Variants in OCA2 observed in about 807,000 individuals in gnomAD.
The protein encoded by OCA2 is P protein.
Under a neutral mutation model 100.2 loss-of-function variants are expected in OCA2, and 77 were observed. That is an observed-to-expected ratio of 0.77 (90% CI 0.64 to 0.93). OCA2 has a LOEUF of 0.93. Among genes scored for constraint, OCA2 ranks in the 40% least tolerant of loss-of-function variants. The probability of loss-of-function intolerance (pLI) is 0.00; values close to 1 mark genes in which losing one functional copy is unlikely to be tolerated. For synonymous variants in OCA2, 432 were observed against 439.2 expected (o/e 0.98, Z 0.21); for missense variants, 1,062 against 1,089.1 (o/e 0.98, Z 0.35).
intron 3 of OCA2, among the ~76,000 whole-genome samples, chr15:28,030,731 A>G (rs1238231088): frequency 6.6e-6 from 1 of 152,214 alleles, no homozygotes; most frequent in Non-Finnish European, 1.5e-5. Flanking sequence ...CCTCCTGTCA[A>G]TGCAGGTACA....
At chr15:27,883,545 A>T (rs2037107306) in intron 19 of OCA2, among the ~76,000 whole-genome samples, 1 of 151,892 alleles carries the variant, frequency 6.6e-6, no homozygotes, top group South Asian at 2.1e-4. Flanking sequence ...GAGTCCTGGG[A>T]CCTCACGCCC....
chr15:28,072,409 G>T (rs898667689), intron 2 of OCA2, among the ~76,000 whole-genome samples: 1 of 152,082 alleles, frequency 6.6e-6, no homozygotes, highest in Non-Finnish European at 1.5e-5. Context: ...CTAACACGGT[G>T]AAACCCCATC....
intron 18 of OCA2, among the ~76,000 whole-genome samples, chr15:27,950,089 T>C (rs1383885290): frequency 6.6e-6 from 1 of 152,222 alleles, no homozygotes; most frequent in Admixed American, 6.5e-5. Context: ...TTTAAGTCCA[T>C]ATAGTTAAAG....
intron 2 of OCA2, among the ~76,000 whole-genome samples, chr15:28,054,731 C>T (rs1265833094): frequency 3.3e-5 from 5 of 151,228 alleles, no homozygotes; most frequent in South Asian, 2.1e-4. Context: ...TGTATTAGCC[C>T]GTTCTCATGC....
chr15:27,943,294 G>A (rs983675943), intron 18 of OCA2, among the ~76,000 whole-genome samples: 2 of 152,086 alleles, frequency 1.3e-5, no homozygotes, highest in African/African-American at 2.4e-5. Context: ...ATTAAAACAG[G>A]GATCTTCAGA....
chr15:27,847,599 G>C (rs180997039), intron 22 of OCA2, among the ~76,000 whole-genome samples: 1 of 152,216 alleles, frequency 6.6e-6, no homozygotes, highest in African/African-American at 2.4e-5. Context: ...GAGAGGCCCC[G>C]GAGAGAGGCC....
intron 22 of OCA2, among the ~76,000 whole-genome samples, chr15:27,845,885 A>G (rs1428824609): frequency 6.6e-6 from 1 of 152,172 alleles, no homozygotes; most frequent in Admixed American, 6.5e-5. Context: ...TGCCTACAGC[A>G]TGTCAGTGTG....
At chr15:27,857,887 C>T (rs2035998970) in intron 21 of OCA2, among the ~76,000 whole-genome samples, 1 of 152,056 alleles carries the variant, frequency 6.6e-6, no homozygotes, top group Admixed American at 6.5e-5. Context: ...TGGTATTATT[C>T]ATGACAGGTT....
chr15:27,963,969 A>C (rs1325105173), intron 15 of OCA2, among the ~76,000 whole-genome samples: 6 of 152,138 alleles, frequency 3.9e-5, no homozygotes, highest in African/African-American at 1.4e-4. Flanking sequence ...TATTATGAAC[A>C]ATTTTATAAC....
chr15:27,772,856 GA>G (rs1370171962), intron 23 of OCA2, among the ~76,000 whole-genome samples: 5 of 135,812 alleles, frequency 3.7e-5, no homozygotes, highest in Admixed American at 7.2e-5. Flanking sequence ...AAAAAAAAAG[GA>G]AAAAAAGAAA....
chr15:28,056,185 C>T (rs979827226), intron 2 of OCA2, among the ~76,000 whole-genome samples: 1 of 152,154 alleles, frequency 6.6e-6, no homozygotes, highest in African/African-American at 2.4e-5. Context: ...GCTCCACAGC[C>T]CACCATGGGA....
chr15:27,892,735 T>C (rs542238848), intron 19 of OCA2, among the ~76,000 whole-genome samples: 2 of 152,236 alleles, frequency 1.3e-5, no homozygotes, highest in South Asian at 2.1e-4. Context: ...ATTGAGTTAA[T>C]ATAGGACAAT....
At chr15:28,022,928 T>C (rs2141301236) in intron 5 of OCA2, among the ~76,000 whole-genome samples, 1 of 152,304 alleles carries the variant, frequency 6.6e-6, no homozygotes, top group Admixed American at 6.5e-5. Flanking sequence ...GTTTGTGAAA[T>C]TTGCAAAGCA....
chr15:28,068,366 G>C (rs2044089064), intron 2 of OCA2, among the ~76,000 whole-genome samples: 1 of 152,142 alleles, frequency 6.6e-6, no homozygotes, highest in African/African-American at 2.4e-5. Context: ...AGAGGAAATG[G>C]ATAAATTCCT....
At position 27,989,643 on chromosome 15, in the gene OCA2, C is replaced by T. The variant is rs1474061885; in HGVS notation, c.1140G>A (p.Val380=). The stretch of plus-strand genomic sequence containing the variant: ...CCAGCGTCTCAAAATCAATCCACTC[C>T]ACCACATGGGTCAGGCTGGGTCTCT... The part of the protein sequence containing the change: ...IGDRPSLTHV[V]EWIDFETLAL... Residue 380 remains valine (V), a synonymous_variant, in exon 11 of 24, where the codon GTG becomes GTA. Coordinates refer to ENST00000354638, the MANE Select transcript of OCA2 (RefSeq NM_000275.3). The T allele has an allele frequency of 3.1e-6, 5 of 1,614,150 alleles. No individual in the cohort carries two copies. The highest frequency in any genetic ancestry group is 4.2e-6 in the Non-Finnish European group (5 of 1,180,004).
At chr15:27,889,926 A>G (rs1452965888) in intron 19 of OCA2, among the ~76,000 whole-genome samples, 1 of 152,168 alleles carries the variant, frequency 6.6e-6, no homozygotes, top group East Asian at 1.9e-4. Flanking sequence ...AGTTTCCTCC[A>G]AGGTAGAAGA....
At chr15:27,722,724 CTTCT>C in the OCA2 span, among the ~76,000 whole-genome samples, 100 of 142,882 alleles carry the variant, frequency 7.0e-4, no homozygotes, top group African/African-American at 2.3e-3. Flanking sequence ...TTCTCTCTTT[CTTCT>C]TTCTTTCTTT....
intron 23 of OCA2, among the ~76,000 whole-genome samples, chr15:27,801,865 T>A (rs1205957351): frequency 6.6e-6 from 1 of 152,156 alleles, no homozygotes; most frequent in Admixed American, 6.5e-5. Context: ...GTGAAAGTAT[T>A]TGTGCTTCCT....
intron 23 of OCA2, among the ~76,000 whole-genome samples, chr15:27,772,420 G>A (rs1349027482): frequency 6.6e-6 from 1 of 152,098 alleles, no homozygotes; most frequent in Admixed American, 6.5e-5. Flanking sequence ...GTCAAAGACT[G>A]GAAAATAATT....
Sources: gnomAD v4.1 joint callset for allele counts (sites outside exome capture counted in the v4.1 genomes callset) on GRCh38, gnomAD v4.1.1 for gene constraint, MANE v1.5 for transcripts, NCBI Gene and HGNC (gene_info 2026-07-23, HGNC 2026-07-21) for gene names.